The following OSBPL10 variants were observed in gnomAD, a reference collection of about 807,000 sequenced individuals.
OSBPL10 encodes oxysterol binding protein like 10, also known as oxysterol-binding protein-related protein 10.
OSBPL10 carries 49 observed loss-of-function variants against 81.7 expected under a neutral mutation model. The observed-to-expected ratio is 0.60, with a 90% CI of 0.48 to 0.76. The LOEUF (loss-of-function observed/expected upper bound fraction) is 0.76, where lower values mean the gene tolerates loss of function less well. OSBPL10 is among the 30% of genes least tolerant of loss of function. OSBPL10 has a pLI of 0.00. For missense variants in OSBPL10, 923 were observed against 987.8 expected (o/e 0.93, Z 0.88); for synonymous variants, 419 against 383.6 (o/e 1.09, Z -1.08).
chr3:31,906,154 G>A (rs184706362), intron 1 of OSBPL10, among the ~76,000 whole-genome samples: 7 of 152,162 alleles, frequency 4.6e-5, no homozygotes, highest in East Asian at 1.9e-4. Context: ...CACGATCAGG[G>A]AACCAAAAAA....
At chr3:31,924,414 G>T (rs1479365081) in intron 1 of OSBPL10, among the ~76,000 whole-genome samples, 1 of 152,016 alleles carries the variant, frequency 6.6e-6, no homozygotes, top group Non-Finnish European at 1.5e-5. Flanking sequence ...TCCTTGTGAG[G>T]TATCAAATCC....
At chr3:31,761,782 T>A (rs1400786544) in intron 4 of OSBPL10, among the ~76,000 whole-genome samples, 2 of 134,976 alleles carry the variant, frequency 1.5e-5, no homozygotes, top group Non-Finnish European at 3.0e-5. Context: ...GCCACCGCAC[T>A]CCAGCCTGGG....
chr3:31,996,338 T>C (rs1699089811), intron 2 of OSBPL10, among the ~76,000 whole-genome samples: 1 of 152,196 alleles, frequency 6.6e-6, no homozygotes, highest in Non-Finnish European at 1.5e-5. Context: ...TAGAGAGGAC[T>C]TGATTTCTCT....
chr3:32,066,215 A>AGGAAGGAAG (rs1699780076), intron 1 of OSBPL10, among the ~76,000 whole-genome samples: 1 of 73,458 alleles, frequency 1.4e-5, no homozygotes, highest in African/African-American at 3.1e-5. Context: ...GAAGGAAGGA[A>AGGAAGGAAG]GGACATCCCC....
intron 3 of OSBPL10, among the ~76,000 whole-genome samples, chr3:31,867,755 G>A (rs1559498214): frequency 7.4e-6 from 1 of 135,750 alleles, no homozygotes; most frequent in African/African-American, 2.8e-5. Flanking sequence ...GAAAGGAAGG[G>A]AGGAAGGAAG....
At chr3:31,718,337 C>CAGGAGAGGAG (rs1438091415) in intron 6 of OSBPL10, 11 of 152,148 alleles carry the variant, frequency 7.2e-5, no homozygotes, top group Non-Finnish European at 1.2e-4. Context: ...CTGTGTTAGC[C>CAGGAGAGGAG]AGGATGGTCT....
chr3:31,835,144 CTTAACT>C (rs938023454), intron 3 of OSBPL10, among the ~76,000 whole-genome samples: 4 of 152,012 alleles, frequency 2.6e-5, no homozygotes, highest in Non-Finnish European at 4.4e-5. Context: ...TTAAGGCTTC[CTTAACT>C]TTAAAAGACA....
intron 1 of OSBPL10, among the ~76,000 whole-genome samples, chr3:31,951,276 A>C (rs967331713): frequency 9.2e-5 from 14 of 152,238 alleles, no homozygotes; most frequent in Non-Finnish European, 2.1e-4. Flanking sequence ...ACGGGAAAAA[A>C]AAAAGACTTG....
At chr3:31,797,894 TTC>T (rs1699275400) in intron 4 of OSBPL10, 3 of 436,124 alleles carry the variant, frequency 6.9e-6, no homozygotes, top group South Asian at 4.8e-5. Context: ...CTATGGTTCT[TTC>T]TAGCACTCTC....
intron 4 of OSBPL10, among the ~76,000 whole-genome samples, chr3:31,823,320 T>C (rs190808113): frequency 6.6e-6 from 1 of 152,340 alleles, no homozygotes; most frequent in Non-Finnish European, 1.5e-5. Context: ...GCCTAGTGAT[T>C]GTGCAAGGGC....
At chr3:31,967,009 ATTTT>A (rs921219017) in intron 1 of OSBPL10, among the ~76,000 whole-genome samples, 58 of 146,984 alleles carry the variant, frequency 3.9e-4, no homozygotes, top group Non-Finnish European at 7.5e-4. Flanking sequence ...CTCTGAGGGG[ATTTT>A]TTTTTTTTAA....
intron 1 of OSBPL10, among the ~76,000 whole-genome samples, chr3:31,931,831 C>T (rs1697256961): frequency 6.6e-6 from 1 of 152,300 alleles, no homozygotes; most frequent in Middle Eastern, 3.4e-3. Context: ...AATCCTATCA[C>T]TTTGGGAGCC....
At chr3:31,969,845 A>C (rs968771089) in intron 1 of OSBPL10, among the ~76,000 whole-genome samples, 1 of 147,758 alleles carries the variant, frequency 6.8e-6, no homozygotes, top group Non-Finnish European at 1.5e-5. Flanking sequence ...ACAAAGCGAG[A>C]CTCCGTCTCA....
At chr3:31,731,228 AG>A (rs975462135) in intron 6 of OSBPL10, among the ~76,000 whole-genome samples, 3 of 152,174 alleles carry the variant, frequency 2.0e-5, no homozygotes, top group African/African-American at 7.2e-5. Flanking sequence ...AGAAAAAATG[AG>A]GGGAGTCTTT....
At chr3:31,917,815 C>T (rs530840671) in intron 1 of OSBPL10, among the ~76,000 whole-genome samples, 5 of 151,468 alleles carry the variant, frequency 3.3e-5, no homozygotes, top group African/African-American at 1.2e-4. Context: ...GCTGACTTTG[C>T]TCCTCGGTTT....
intron 1 of OSBPL10, among the ~76,000 whole-genome samples, chr3:31,913,279 C>G (rs978139949): frequency 6.6e-6 from 1 of 150,386 alleles, no homozygotes; most frequent in South Asian, 2.1e-4. Context: ...GATGGAGTCT[C>G]TCTCTGTCGC....
intron 5 of OSBPL10, among the ~76,000 whole-genome samples, chr3:31,740,093 G>A (rs1205205177): frequency 6.7e-6 from 1 of 150,348 alleles, no homozygotes; most frequent in East Asian, 2.0e-4. Context: ...GCACAGGCTG[G>A]AGTGCAGTGG....
chr3:31,869,892 C>A (rs72850599), intron 3 of OSBPL10, among the ~76,000 whole-genome samples: 4,537 of 152,330 alleles, frequency 0.03, 201 homozygotes, highest in African/African-American at 0.093. Flanking sequence ...TTACTTCTGC[C>A]AACAGGCCAG....
At chr3:31,790,278 A>C (rs2125420755) in intron 4 of OSBPL10, among the ~76,000 whole-genome samples, 1 of 152,332 alleles carries the variant, frequency 6.6e-6, no homozygotes, top group Middle Eastern at 3.4e-3. Context: ...TCAGGAAAAC[A>C]AGCAGTCAAA....
Sources: allele counts gnomAD v4.1 joint callset (sites outside exome capture counted in the v4.1 genomes callset), GRCh38; gene constraint gnomAD v4.1.1; transcripts MANE v1.5; gene names NCBI Gene and HGNC (gene_info 2026-07-23, HGNC 2026-07-21).